TTC7B: variants seen among roughly 807,000 people sequenced by gnomAD.
The protein encoded by TTC7B is tetratricopeptide repeat protein 7B.
TTC7B carries 28 observed loss-of-function variants against 106.8 expected under a neutral mutation model. That is an observed-to-expected ratio of 0.26 (90% CI 0.19 to 0.36). TTC7B has a LOEUF of 0.36. Ranked by LOEUF, TTC7B falls within the 10% of genes least tolerant of loss-of-function variation. The pLI is 1.00. For missense variants in TTC7B, 862 were observed against 1,076.4 expected (o/e 0.80, Z 2.79); for synonymous variants, 405 against 430.6 (o/e 0.94, Z 0.74).
intron 5 of TTC7B, among the ~76,000 whole-genome samples, chr14:90,727,172 T>G (rs1555393769): frequency 6.6e-6 from 1 of 152,040 alleles, no homozygotes; most frequent in Non-Finnish European, 1.5e-5. Context: ...GGGAAAGCCT[T>G]AGGAGAAATC....
intron 9 of TTC7B, among the ~76,000 whole-genome samples, chr14:90,664,609 C>A (rs1348944391): frequency 1.3e-5 from 2 of 152,172 alleles, no homozygotes; most frequent in African/African-American, 4.8e-5. Context: ...GAAAAAGATG[C>A]ATTGATGAAA....
chr14:90,736,508 G>A (rs1383618384), intron 4 of TTC7B, among the ~76,000 whole-genome samples: 1 of 151,796 alleles, frequency 6.6e-6, no homozygotes, highest in African/African-American at 2.4e-5. Context: ...GGAGGCGGAG[G>A]TAGCCGTGAG....
chr14:90,583,803 T>A (rs182637860), intron 18 of TTC7B, among the ~76,000 whole-genome samples: 1 of 152,300 alleles, frequency 6.6e-6, no homozygotes, highest in East Asian at 1.9e-4. Flanking sequence ...GTCCCTGCTA[T>A]TGGGTTACTA....
rs141507480 is a variant in TTC7B, at chr14:90,608,516, G to C, written c.1966+2226C>G. ...TTGTTGAGGAAGGGCATAGGAGCCC[G>C]CGGTCCTGACTCCAAACACCTAGGC... On this transcript the variant is annotated intron_variant, in intron 17 of 19. Transcript: ENST00000328459. The surrounding 1 kb of genome is among the most constrained non-coding windows in gnomAD (Gnocchi z 5.1). Among the ~76,000 whole-genome samples the C allele has an allele frequency of 2.0e-5, 3 of 152,164 alleles. No homozygotes were observed. Among genetic ancestry groups the C allele is most frequent in the African/African-American group, 7.2e-5 (3 of 41,420 alleles).
chr14:90,784,738 G>A (rs1374745179), intron 2 of TTC7B, among the ~76,000 whole-genome samples: 2 of 152,136 alleles, frequency 1.3e-5, no homozygotes, highest in African/African-American at 4.8e-5. Flanking sequence ...GCAGCAGGGA[G>A]TCTTTAAGTA....
At chr14:90,758,124 G>T (rs1281297427) in intron 3 of TTC7B, among the ~76,000 whole-genome samples, 1 of 151,914 alleles carries the variant, frequency 6.6e-6, no homozygotes, top group East Asian at 2.0e-4. Flanking sequence ...TCACTAATGC[G>T]AGGTTAATCA....
intron 8 of TTC7B, chr14:90,677,810 C>T (rs1296708025): frequency 6.6e-6 from 3 of 455,138 alleles, no homozygotes; most frequent in African/African-American, 4.0e-5. Context: ...AGCCACCCAT[C>T]AGTACTTACT....
rs1456235472 is a variant in TTC7B at position 90,532,408 on chromosome 14, G to C, written c.*8960C>G. The C allele has an allele frequency of 6.6e-6, 1 of 152,174 alleles. No individual in the cohort carries two copies. Among genetic ancestry groups the C allele is most frequent in the Non-Finnish European group, 1.5e-5 (1 of 68,036 alleles). The allele number at this position is 152,174 out of a possible 1,614,324, so 9.4% of individuals were successfully genotyped here. Reference sequence around the variant, plus strand: ...TGAGGATGGGCCAATGTGAGGATGGGCCAGCCCTTTTGCAAACTGGCTGGG... The same window carrying C: ...TGAGGATGGGCCAATGTGAGGATGGCCCAGCCCTTTTGCAAACTGGCTGGG... On this transcript the variant is annotated 3_prime_UTR_variant, in exon 20 of 20. Coordinates refer to ENST00000328459, the MANE Select transcript of TTC7B (RefSeq NM_001010854.2).
At chr14:90,813,880 C>T (rs1038962080) in intron 1 of TTC7B, among the ~76,000 whole-genome samples, 3 of 152,150 alleles carry the variant, frequency 2.0e-5, no homozygotes, top group Admixed American at 1.3e-4. Flanking sequence ...TCTACCAGCC[C>T]GAGAGTGGGA....
intron 1 of TTC7B, among the ~76,000 whole-genome samples, chr14:90,798,249 C>T (rs568422645): frequency 3.9e-5 from 6 of 152,236 alleles, no homozygotes; most frequent in African/African-American, 7.2e-5. Flanking sequence ...GCAAAGTCAC[C>T]GGGCTGACCC....
chr14:90,730,874 C>T (rs576643526), intron 4 of TTC7B, among the ~76,000 whole-genome samples: 4 of 152,264 alleles, frequency 2.6e-5, no homozygotes, highest in Non-Finnish European at 4.4e-5. Flanking sequence ...TTTAGCCCTG[C>T]ACAAAAGACT....
At chr14:90,727,169 C>T (rs1889136288) in intron 5 of TTC7B, among the ~76,000 whole-genome samples, 1 of 152,058 alleles carries the variant, frequency 6.6e-6, no homozygotes, top group African/African-American at 2.4e-5. Flanking sequence ...CGGGGGAAAG[C>T]CTTAGGAGAA....
At position 90,766,696 on chromosome 14, in the gene TTC7B, G is replaced by A. The variant is rs199504613; in HGVS notation, c.445+14042C>T. 330 of 1,430,224 alleles carry A rather than the reference G, an allele frequency of 2.3e-4. 2 individuals carry two copies. Among genetic ancestry groups the A allele is most frequent in the Admixed American group, 2.7e-4 (16 of 59,544 alleles). 88.6% of individuals were successfully genotyped at this position (1,430,224 alleles called of 1,614,324 possible). A position where few individuals can be genotyped will look rare whatever the true frequency, so the allele number is the denominator to read the frequency against. On this transcript the variant is annotated intron_variant, in intron 3 of 19. Transcript: ENST00000328459. Reference sequence around the variant, plus strand: ...AGCAGACATTGACTGCACCAAGAGGGCGGGAGAACTCACTGAGGATGAGGT... The same window carrying A: ...AGCAGACATTGACTGCACCAAGAGGACGGGAGAACTCACTGAGGATGAGGT...
In TTC7B at chr14:90,530,512, A is replaced by C. The variant is rs1402927293; in HGVS notation, c.*10856T>G. On this transcript the variant is annotated 3_prime_UTR_variant, in exon 20 of 20. Coordinates refer to ENST00000328459, the MANE Select transcript of TTC7B (RefSeq NM_001010854.2). ...CTGTGCAGATGCCATTTGATGAGGG[A>C]TCTTCAGATGGGGAGAGTGTCTTGG... 6.6e-6 allele frequency: 1 copy of C among 152,164 alleles called. No homozygotes were observed. Among genetic ancestry groups the C allele is most frequent in the Non-Finnish European group, 1.5e-5 (1 of 68,030 alleles). 9.4% of individuals were successfully genotyped at this position (152,164 alleles called of 1,614,324 possible).
Position 90,579,132 on chromosome 14 carries a change from C to T in TTC7B, c.2108-824G>A, listed in dbSNP as rs150250834. On this transcript the variant is annotated intron_variant, in intron 18 of 19. Coordinates refer to ENST00000328459, the MANE Select transcript of TTC7B (RefSeq NM_001010854.2). ...CCAGGGGGAACGTGTCAACTGGCCCCGAGGGCCTCTTCTCCTGAGGCCTTG... is the reference window on the plus strand; with the variant it reads ...CCAGGGGGAACGTGTCAACTGGCCCTGAGGGCCTCTTCTCCTGAGGCCTTG... Among the ~76,000 whole-genome samples the T allele has an allele frequency of 3.8e-3, 582 of 152,292 alleles. 1 individual carries two copies. Among genetic ancestry groups the T allele is most frequent in the African/African-American group, 0.014 (565 of 41,550 alleles).
chr14:90,740,281 T>C (rs1889704330), intron 4 of TTC7B, among the ~76,000 whole-genome samples: 1 of 152,068 alleles, frequency 6.6e-6, no homozygotes, highest in African/African-American at 2.4e-5. Context: ...GGGCCACTTC[T>C]CTAGCCCCAG....
chr14:90,682,324 T>C (rs1384427307), intron 7 of TTC7B, among the ~76,000 whole-genome samples: 2 of 152,158 alleles, frequency 1.3e-5, no homozygotes, highest in Non-Finnish European at 2.9e-5. Flanking sequence ...ATTAACCGAA[T>C]CCAGCTCCAC....
At chr14:90,579,271 C>T (rs1378127606) in intron 18 of TTC7B, among the ~76,000 whole-genome samples, 2 of 152,220 alleles carry the variant, frequency 1.3e-5, no homozygotes, top group Non-Finnish European at 2.9e-5. Context: ...AGTCTGCAGC[C>T]CAGAGCCTCA....
chr14:90,816,239 G>C lies in TTC7B; in HGVS notation c.57C>G (p.Ser19=). Reference sequence around the variant, plus strand: ...CAGGGATCCGCTCCCACTGGCACTCGGAGCGGCAGCGCTCGATCTCCGTCT... The same window carrying C: ...CAGGGATCCGCTCCCACTGGCACTCCGAGCGGCAGCGCTCGATCTCCGTCT... ...RLETEIERCR[S]ECQWERIPEL... The change falls in exon 1 of 20, where the codon TCC becomes TCG. Residue 19 remains serine, a synonymous_variant. Transcript: ENST00000328459. 1 of 1,264,510 alleles carries C rather than the reference G, an allele frequency of 7.9e-7. No individual in the cohort carries two copies. The highest frequency in any genetic ancestry group is 1.0e-6 in the Non-Finnish European group (1 of 973,174). 78.3% of individuals were successfully genotyped at this position (1,264,510 alleles called of 1,614,324 possible).
Sources: gnomAD v4.1 joint callset for allele counts (sites outside exome capture counted in the v4.1 genomes callset) on GRCh38, gnomAD v4.1.1 for gene constraint, Gnocchi (gnomAD v3.1) non-coding constraint, MANE v1.5 for transcripts, NCBI Gene and HGNC (gene_info 2026-07-23, HGNC 2026-07-21) for gene names.